The following RDX variants were observed in gnomAD, a reference collection of about 807,000 sequenced individuals.
RDX encodes the protein deafness, autosomal recessive 24.
Under a neutral mutation model 83.7 loss-of-function variants are expected in RDX, and 32 were observed. That is an observed-to-expected ratio of 0.38 (90% CI 0.29 to 0.51). The LOEUF is 0.51. Ranked by LOEUF, RDX falls within the 20% of genes least tolerant of loss-of-function variation. The pLI, the probability that RDX is intolerant of heterozygous loss-of-function variation, is 0.87. For synonymous variants in RDX, 229 were observed against 222.7 expected (o/e 1.03, Z -0.25); for missense variants, 600 against 689.9 (o/e 0.87, Z 1.46).
At chr11:110,219,252 A>G (rs538710802) in intron 14 of RDX, among the ~76,000 whole-genome samples, 15 of 152,280 alleles carry the variant, frequency 9.9e-5, no homozygotes, top group African/African-American at 3.6e-4. Context: ...TGGCTGCTTT[A>G]AAGAATAACA....
At chr11:110,185,749 C>T (rs1591498191) in intron 15 of RDX, 1 of 152,360 alleles carries the variant, frequency 6.6e-6, no homozygotes, top group South Asian at 2.1e-4. Flanking sequence ...AATACTGAAC[C>T]CCAGACTTGC....
chr11:110,293,628 T>A (rs199722912), intron 1 of RDX, among the ~76,000 whole-genome samples: 1 of 151,874 alleles, frequency 6.6e-6, no homozygotes, highest in African/African-American at 2.4e-5. Flanking sequence ...AAGGGTAGAG[T>A]CCATAGCAAC....
chr11:110,263,932 A>G lies in RDX; in HGVS notation c.467+28T>C, dbSNP rs774180308. 6 of 1,606,304 alleles carry G rather than the reference A, an allele frequency of 3.7e-6. No individual in the cohort carries two copies. In the East Asian group the frequency reaches 1.3e-4, roughly 36 times the overall value. On this transcript the variant is annotated intron_variant, in intron 5 of 13. Transcript: ENST00000645495. ...ACTTCTAGAATACAATTTTCAGACA[A>G]TATAATGCAAACGCATGTTTCACTT...
intron 7 of RDX, among the ~76,000 whole-genome samples, chr11:110,257,116 G>A (rs996038928): frequency 6.6e-6 from 1 of 150,848 alleles, no homozygotes; most frequent in Non-Finnish European, 1.5e-5. Flanking sequence ...TCTCTATATA[G>A]TATTTACCCA....
chr11:110,236,916 G>A (rs1469311158), intron 11 of RDX, among the ~76,000 whole-genome samples: 2 of 152,006 alleles, frequency 1.3e-5, no homozygotes, highest in African/African-American at 2.4e-5. Context: ...CACTGTGCCC[G>A]GCCATCATTC....
rs763990381 is a variant in RDX, at chr11:110,236,103, T to C, written c.1340A>G (p.His447Arg). ...KKEEEATEWQ[H>R]KAFAAQEDLE... is the part of the protein sequence containing the mutation. The stretch of plus-strand genomic sequence containing the variant: ...AGTAAATGAATAAATGATTACTTTG[T>C]GTTGCCACTCAGTAGCTTCCTCTTC... Residue 447 changes from histidine (H) to arginine (R), a missense_variant, in exon 12 of 14, where the codon CAC becomes CGC. Physicochemically the swap from His to Arg is conservative, Grantham distance 29. Coordinates refer to ENST00000645495, the MANE Select transcript of RDX (RefSeq NM_002906.4). The C allele has an allele frequency of 8.1e-6, 13 of 1,607,042 alleles. No homozygotes were observed. The highest frequency in any genetic ancestry group is 1.1e-5 in the Non-Finnish European group (13 of 1,175,306).
At chr11:110,187,765 C>T (rs962938348) in intron 15 of RDX, among the ~76,000 whole-genome samples, 1 of 152,274 alleles carries the variant, frequency 6.6e-6, no homozygotes, top group African/African-American at 2.4e-5. Flanking sequence ...ATCTTGGTCT[C>T]CCCTTCCGGG....
At chr11:110,234,757 T>C (rs565470293) in intron 12 of RDX, among the ~76,000 whole-genome samples, 151 of 152,338 alleles carry the variant, frequency 9.9e-4, no homozygotes, top group African/African-American at 3.3e-3. Flanking sequence ...GTTTTATTTA[T>C]ATATAACTAA....
At chr11:110,209,501 A>G (rs944596838) in intron 14 of RDX, among the ~76,000 whole-genome samples, 2 of 152,300 alleles carry the variant, frequency 1.3e-5, no homozygotes. Flanking sequence ...CTCAAGGAGG[A>G]CTGCCTGCCT....
rs1004171661 is a variant in RDX at position 110,261,099 on chromosome 11, C to T, written c.467+2861G>A. On this transcript the variant is annotated intron_variant, in intron 5 of 13. Coordinates refer to ENST00000645495, the MANE Select transcript of RDX (RefSeq NM_002906.4). ...AATTACCATCTATTCACTGATTACTCCCAAAACTGTATCTATAGTCCAAGA... is the reference window on the plus strand; with the variant it reads ...AATTACCATCTATTCACTGATTACTTCCAAAACTGTATCTATAGTCCAAGA... Among the ~76,000 whole-genome samples the T allele has an allele frequency of 2.6e-5, 4 of 152,266 alleles. 1 individual carries two copies. The East Asian group carries it at 7.7e-4, about 29-fold the overall frequency.
At chr11:110,210,140 T>C (rs928324709) in intron 14 of RDX, among the ~76,000 whole-genome samples, 3 of 108,666 alleles carry the variant, frequency 2.8e-5, no homozygotes, top group African/African-American at 1.1e-4. Context: ...GAGAAGTGCT[T>C]AAAGGAGCTG....
chr11:110,181,227 A>G (rs1462054477), intron 15 of RDX, among the ~76,000 whole-genome samples: 1 of 149,744 alleles, frequency 6.7e-6, no homozygotes, highest in African/African-American at 2.5e-5. Context: ...AAATGGAGCG[A>G]ACTCGACTCA....
intron 3 of RDX, among the ~76,000 whole-genome samples, chr11:110,271,191 T>C (rs1860294772): frequency 6.6e-6 from 1 of 152,236 alleles, no homozygotes; most frequent in Non-Finnish European, 1.5e-5. Flanking sequence ...AGTATATTAC[T>C]TGTCAGGAGA....
intron 14 of RDX, among the ~76,000 whole-genome samples, chr11:110,222,546 C>T (rs1864285124): frequency 6.6e-6 from 1 of 152,152 alleles, no homozygotes; most frequent in Non-Finnish European, 1.5e-5. Context: ...CCTGTAATCC[C>T]AGCACTTTGG....
At chr11:110,225,106 T>C (rs958984691), downstream of RDX, among the ~76,000 whole-genome samples, 6 of 152,226 alleles carry the variant, frequency 3.9e-5, no homozygotes, top group Non-Finnish European at 1.5e-5. Context: ...CTTTCATTTC[T>C]ACAGTCTAGA....
At chr11:110,258,077 G>T (rs1474305955) in intron 6 of RDX, 29 bp downstream of exon 6, 1 of 1,539,756 alleles carries the variant, frequency 6.5e-7, no homozygotes, top group East Asian at 2.3e-5. Context: ...AAGGAAAAAA[G>T]AAAACATAGA....
rs1475251489 is a variant in RDX, at chr11:110,255,336, A to G, written c.748T>C (p.Phe250Leu). ...FPWSEIRNIS[F>L]NDKKFVIKPI... Reference sequence around the variant, plus strand: ...TTTATAACAAATTTTTTGTCATTAAATGAAATATTTCTGATTTCACTCCAG... The same window carrying G: ...TTTATAACAAATTTTTTGTCATTAAGTGAAATATTTCTGATTTCACTCCAG... The change falls in exon 8 of 14, where the codon TTT (phenylalanine) becomes CTT (leucine). Residue 250 changes from phenylalanine (F) to leucine (L), a missense_variant. Phe to Leu is a conservative substitution (Grantham distance 22). Transcript: ENST00000645495. The G allele has an allele frequency of 6.3e-7, 1 of 1,595,202 alleles. No homozygotes were observed. Among genetic ancestry groups the G allele is most frequent in the East Asian group, 2.2e-5 (1 of 44,612 alleles).
chr11:110,258,199 CCA>C lies in RDX; in HGVS notation c.468-12_468-11del. ...GTGTTGTTCCAATACACTAAGAGGA[CCA>C]AAAAAAAAAAAAAATTATAATGACT... On this transcript the variant is annotated splice_polypyrimidine_tract_variant and intron_variant, in intron 5 of 13. Coordinates refer to ENST00000645495, the MANE Select transcript of RDX (RefSeq NM_002906.4). 1.4e-6 allele frequency: 2 copies of C among 1,466,904 alleles called. No homozygotes were observed. The highest frequency in any genetic ancestry group is 2.1e-5 in the Admixed American group (1 of 47,508). The allele number at this position is 1,466,904 out of a possible 1,614,324, so 90.9% of individuals were successfully genotyped here. A position where few individuals can be genotyped will look rare whatever the true frequency, so the allele number is the denominator to read the frequency against.
intron 5 of RDX, among the ~76,000 whole-genome samples, chr11:110,261,560 G>A (rs919726775): frequency 2.6e-5 from 4 of 151,888 alleles, no homozygotes; most frequent in South Asian, 2.1e-4. Context: ...AAAAGTGTCC[G>A]ATATACCATA....
Sources: gnomAD v4.1 joint callset for allele counts (sites outside exome capture counted in the v4.1 genomes callset) on GRCh38, gnomAD v4.1.1 for gene constraint, MANE v1.5 for transcripts, NCBI Gene and HGNC (gene_info 2026-07-23, HGNC 2026-07-21) for gene names.